CASTOR2: variants seen among roughly 807,000 people sequenced by gnomAD.
CASTOR2 encodes cytosolic arginine sensor for mTORC1 subunit 2, also known as GATS protein like 2.
A neutral mutation model predicts 31.2 loss-of-function variants in CASTOR2; 8 were observed. That is an observed-to-expected ratio of 0.26 (90% CI 0.15 to 0.46). The LOEUF (loss-of-function observed/expected upper bound fraction) is 0.46. Ranked by LOEUF, CASTOR2 falls within the 20% of genes least tolerant of loss-of-function variation. The pLI is 0.99. For synonymous variants in CASTOR2, 162 were observed against 158.7 expected (o/e 1.02, Z -0.16); for missense variants, 216 against 382.1 (o/e 0.57, Z 3.62).
chr7:75,021,685 C>T (rs1805008572), intron 6 of CASTOR2, among the ~76,000 whole-genome samples, 189 bp from the exon 7 acceptor site: 2 of 152,130 alleles, frequency 1.3e-5, no homozygotes, highest in South Asian at 2.1e-4. Flanking sequence ...TCCGCCTCCC[C>T]TCAAGACGAG....
chr7:75,022,841 G>A (rs1805036896), intron 7 of CASTOR2, among the ~76,000 whole-genome samples: 2 of 151,956 alleles, frequency 1.3e-5, no homozygotes, highest in Admixed American at 6.6e-5. Context: ...ATAAATTGGG[G>A]CTGTGATAAA....
chr7:74,987,202 C>T (rs1804086989), intron 1 of CASTOR2, among the ~76,000 whole-genome samples: 1 of 152,010 alleles, frequency 6.6e-6, no homozygotes, highest in Non-Finnish European at 1.5e-5. Flanking sequence ...GTCAGGAGTT[C>T]AAGACCAGCC....
chr7:74,975,583 GC>G (rs1357331525), intron 1 of CASTOR2, among the ~76,000 whole-genome samples: 2 of 126,038 alleles, frequency 1.6e-5, no homozygotes, highest in African/African-American at 2.9e-5. Flanking sequence ...AGGCGTGGTG[GC>G]GGGCGCCTGT....
At chr7:75,017,555 G>A (rs1804893940) in intron 2 of CASTOR2, 43 bp from the exon 3 acceptor site, 6 of 1,603,510 alleles carry the variant, frequency 3.7e-6, no homozygotes, top group African/African-American at 1.3e-5. Flanking sequence ...GGGTCATCTG[G>A]AACCTCAGCA....
At chr7:75,015,391 TC>T (rs1338652727) in intron 2 of CASTOR2, among the ~76,000 whole-genome samples, 1 of 152,128 alleles carries the variant, frequency 6.6e-6, no homozygotes, top group Non-Finnish European at 1.5e-5. Flanking sequence ...CACCTCAACC[TC>T]CCAAGTGGCT....
chr7:75,022,378 G>A (rs975496994), intron 7 of CASTOR2, among the ~76,000 whole-genome samples: 4 of 152,196 alleles, frequency 2.6e-5, no homozygotes, highest in East Asian at 1.9e-4. Flanking sequence ...GGTGGCTGGC[G>A]CCTGTAATCC....
In CASTOR2 at chr7:75,025,898, A is replaced by C. The variant is rs1410109629; in HGVS notation, c.*1199A>C. On this transcript the variant is annotated 3_prime_UTR_variant, in exon 9 of 9. Transcript: ENST00000616305. ...CAGGCAGTGGGAATCGGGAGATGTC[A>C]CAGGAGCCTGGGCCCTCTCTTCTGA... Among the ~76,000 whole-genome samples the C allele has an allele frequency of 6.6e-6, 1 of 152,080 alleles. No individual in the cohort carries two copies. Among genetic ancestry groups the C allele is most frequent in the African/African-American group, 2.4e-5 (1 of 41,418 alleles).
chr7:75,018,148 A>G, intron 4 of CASTOR2, 26 bp downstream of exon 4: 1 of 1,611,788 alleles, frequency 6.2e-7, no homozygotes, highest in East Asian at 2.2e-5. Context: ...GGGTTTGTGC[A>G]GGGGAAACCT....
rs1298697161 is a variant in CASTOR2, at chr7:74,973,080, C to T, written c.113+7982C>T. 2.7e-5 allele frequency among the ~76,000 whole-genome samples: 4 copies of T among 149,858 alleles called. 1 individual carries two copies. The highest frequency in any genetic ancestry group is 5.9e-5 in the Non-Finnish European group (4 of 67,510). On this transcript the variant is annotated intron_variant, in intron 1 of 8. Transcript: ENST00000616305. Reference sequence around the variant, plus strand: ...CAACACATTGGGCTGAGGCCACTGTCTAATTGCAGTTTAGGGAAAGACAGG... The same window carrying T: ...CAACACATTGGGCTGAGGCCACTGTTTAATTGCAGTTTAGGGAAAGACAGG...
Position 75,027,904 on chromosome 7 carries a change from G to T in CASTOR2, c.*3205G>T. The T allele has an allele frequency of 1.9e-6, 2 of 1,034,434 alleles. No individual in the cohort carries two copies. Among genetic ancestry groups the T allele is most frequent in the Non-Finnish European group, 2.9e-6 (2 of 691,874 alleles). The allele number at this position is 1,034,434 out of a possible 1,614,324, so 64.1% of individuals were successfully genotyped here. A position where few individuals can be genotyped will look rare whatever the true frequency, so the allele number is the denominator to read the frequency against. On this transcript the variant is annotated 3_prime_UTR_variant, in exon 9 of 9. Coordinates refer to ENST00000616305, the MANE Select transcript of CASTOR2 (RefSeq NM_001145064.3). ...TGCCCTTGTCCCCCAGCTATCTCCT[G>T]GTCTGCTGGGTGGGAGGGTCTCTCC... is the stretch of plus-strand genomic sequence containing the variant.
chr7:75,027,899 C>T lies in CASTOR2; in HGVS notation c.*3200C>T. 1 of 1,011,054 alleles carries T rather than the reference C, an allele frequency of 9.9e-7. No homozygotes were observed. The highest frequency in any genetic ancestry group is 1.5e-6 in the Non-Finnish European group (1 of 670,594). The allele number at this position is 1,011,054 out of a possible 1,614,324, so 62.6% of individuals were successfully genotyped here. On this transcript the variant is annotated 3_prime_UTR_variant, in exon 9 of 9. Transcript: ENST00000616305. The stretch of plus-strand genomic sequence containing the variant: ...CCGTCTGCCCTTGTCCCCCAGCTAT[C>T]TCCTGGTCTGCTGGGTGGGAGGGTC...
chr7:75,009,593 T>A (rs1554439154), intron 2 of CASTOR2, among the ~76,000 whole-genome samples: 1 of 151,614 alleles, frequency 6.6e-6, no homozygotes, highest in Non-Finnish European at 1.5e-5. Context: ...TGAAAAAAAA[T>A]TAAAATTAAA....
At chr7:75,018,885 C>G in intron 4 of CASTOR2, 87 bp from the exon 5 acceptor site, 3 of 1,548,176 alleles carry the variant, frequency 1.9e-6, no homozygotes, top group Non-Finnish European at 2.6e-6. Context: ...GCTGAGCCCT[C>G]CCCAGCCCTC....
rs2131962742 is a variant in CASTOR2 at position 75,027,840 on chromosome 7, G to T, written c.*3141G>T. ...GGTTTGGTCTCCACAGCTCTTCGGG[G>T]TGGGGTGTGAGTGTGGTTTTTCCCA... is the stretch of plus-strand genomic sequence containing the variant. On this transcript the variant is annotated 3_prime_UTR_variant, in exon 9 of 9. Coordinates refer to ENST00000616305, the MANE Select transcript of CASTOR2 (RefSeq NM_001145064.3). 1.5e-6 allele frequency: 1 copy of T among 670,628 alleles called. No homozygotes were observed. Among genetic ancestry groups the T allele is most frequent in the Non-Finnish European group, 2.6e-6 (1 of 377,578 alleles). 41.5% of individuals were successfully genotyped at this position (670,628 alleles called of 1,614,324 possible). A position where few individuals can be genotyped will look rare whatever the true frequency, so the allele number is the denominator to read the frequency against.
chr7:75,023,859 A>T (rs1805065127), intron 7 of CASTOR2, among the ~76,000 whole-genome samples: 1 of 152,206 alleles, frequency 6.6e-6, no homozygotes, highest in Non-Finnish European at 1.5e-5. Flanking sequence ...GTCATCTTGC[A>T]CCAGGCCCCA....
rs973012325 is a variant in CASTOR2, at chr7:75,029,578, A to C, written c.*4879A>C. ...AGGCTGTTCTTGAACTCCTGACCTC[A>C]GGTGATCCGCCCACCTTGGCCTCCC... On this transcript the variant is annotated 3_prime_UTR_variant, in exon 9 of 9. Coordinates refer to ENST00000616305, the MANE Select transcript of CASTOR2 (RefSeq NM_001145064.3). Among the ~76,000 whole-genome samples the C allele has an allele frequency of 1.8e-4, 28 of 152,048 alleles. 1 individual carries two copies. Among genetic ancestry groups the C allele is most frequent in the Admixed American group, 6.6e-4 (10 of 15,260 alleles).
intron 1 of CASTOR2, among the ~76,000 whole-genome samples, chr7:74,996,714 G>GTT (rs1804356173): frequency 7.3e-4 from 32 of 44,020 alleles, no homozygotes; most frequent in Admixed American, 1.7e-3. Context: ...CATGCCTGGT[G>GTT]CTTTTTTTTT....
intron 1 of CASTOR2, among the ~76,000 whole-genome samples, chr7:74,977,926 G>T (rs1323390023): frequency 1.8e-4 from 27 of 150,340 alleles, no homozygotes; most frequent in Non-Finnish European, 1.5e-5. Context: ...TAATCCTCCT[G>T]CCTCAGCCTT....
chr7:75,007,255 C>G (rs1177714364), intron 1 of CASTOR2, among the ~76,000 whole-genome samples: 1 of 152,194 alleles, frequency 6.6e-6, no homozygotes, highest in Non-Finnish European at 1.5e-5. Flanking sequence ...AAGCTCAGCC[C>G]AAGGGCCACC....
Sources: allele counts gnomAD v4.1 joint callset (sites outside exome capture counted in the v4.1 genomes callset), GRCh38; gene constraint gnomAD v4.1.1; transcripts MANE v1.5; gene names NCBI Gene and HGNC (gene_info 2026-07-23, HGNC 2026-07-21).